The following SYT9 variants were observed in gnomAD, a reference collection of about 807,000 sequenced individuals.
The protein encoded by SYT9 is synaptotagmin 9, also known as synaptotagmin-9.
SYT9 carries 22 observed loss-of-function variants against 48.4 expected under a neutral mutation model. The observed-to-expected ratio is 0.45, with a 90% CI of 0.32 to 0.65. The LOEUF (loss-of-function observed/expected upper bound fraction) is 0.65. Among genes scored for constraint, SYT9 ranks in the 30% least tolerant of loss-of-function variants. SYT9 has a pLI of 0.03. For synonymous variants in SYT9, 265 were observed against 245.0 expected (o/e 1.08, Z -0.76); for missense variants, 577 against 622.0 (o/e 0.93, Z 0.77).
intron 1 of SYT9, among the ~76,000 whole-genome samples, chr11:7,255,113 C>G (rs867438935): frequency 6.6e-6 from 1 of 152,114 alleles, no homozygotes; most frequent in Non-Finnish European, 1.5e-5. Context: ...GCACTTTTGT[C>G]CATAGAAAGC....
At chr11:7,457,527 A>T (rs80005508) in intron 6 of SYT9, 1 of 152,190 alleles carries the variant, frequency 6.6e-6, no homozygotes, top group Non-Finnish European at 1.5e-5. Context: ...AATTTCTTCT[A>T]TCTTACAACT....
chr11:7,263,016 G>A (rs1345485001), intron 1 of SYT9, among the ~76,000 whole-genome samples: 7 of 152,050 alleles, frequency 4.6e-5, no homozygotes, highest in Non-Finnish European at 8.8e-5. Context: ...GGATAAAGAG[G>A]GGAGGATTGC....
In SYT9 at chr11:7,319,192, C is replaced by CTTTTTTT. The variant is rs71056795; in HGVS notation, c.1044+5267_1044+5273dup. Among the ~76,000 whole-genome samples, 27 of 86,158 alleles carry CTTTTTTT rather than the reference C, an allele frequency of 3.1e-4. 1 individual carries two copies. Among genetic ancestry groups the CTTTTTTT allele is most frequent in the African/African-American group, 1.1e-3 (24 of 22,384 alleles). 56.5% of individuals were successfully genotyped at this position (86,158 alleles called of 152,430 possible). A position where few individuals can be genotyped will look rare whatever the true frequency, so the allele number is the denominator to read the frequency against. On this transcript the variant is annotated intron_variant, in intron 3 of 6. Transcript: ENST00000318881. The stretch of plus-strand genomic sequence containing the variant: ...TTTTTTTTTTTCTTTTCTTCTTTTT[C>CTTTTTTT]TTTTTTTTTTTTTTTTTTTTTTGAG...
At chr11:7,307,878 G>A (rs1027292807) in intron 2 of SYT9, among the ~76,000 whole-genome samples, 3 of 152,360 alleles carry the variant, frequency 2.0e-5, no homozygotes, top group African/African-American at 2.4e-5. Context: ...TTTAACTTTG[G>A]AGGGAGTGGG....
chr11:7,431,013 T>C (rs1847559536), intron 6 of SYT9, among the ~76,000 whole-genome samples: 1 of 152,112 alleles, frequency 6.6e-6, no homozygotes, highest in African/African-American at 2.4e-5. Flanking sequence ...TGGAATTGGG[T>C]AATGGACAAA....
At chr11:7,273,591 A>C (rs1848335169) in intron 1 of SYT9, among the ~76,000 whole-genome samples, 1 of 152,302 alleles carries the variant, frequency 6.6e-6, no homozygotes, top group South Asian at 2.1e-4. Context: ...CTGCTAAGTG[A>C]GTCCCATGGC....
Position 7,468,597 on chromosome 11 carries a change from G to C in SYT9, c.*1797G>C, listed in dbSNP as rs891773613. On this transcript the variant is annotated 3_prime_UTR_variant, in exon 7 of 7. Coordinates refer to ENST00000318881, the MANE Select transcript of SYT9 (RefSeq NM_175733.4). ...AGGATAGTTAGCAGAAATATTGTCT[G>C]TAAAGCTAGGCAGATGAGCCCAGAA... 3.2e-6 allele frequency: 1 copy of C among 312,990 alleles called. No homozygotes were observed. Among genetic ancestry groups the C allele is most frequent in the Non-Finnish European group, 5.8e-6 (1 of 172,342 alleles). 19.4% of individuals were successfully genotyped at this position (312,990 alleles called of 1,614,324 possible).
chr11:7,406,535 C>CATAT (rs57371051), intron 3 of SYT9, among the ~76,000 whole-genome samples: 7,025 of 134,772 alleles, frequency 0.052, 185 homozygotes, highest in South Asian at 0.077. Context: ...TTCAATTGCG[C>CATAT]ATATATATAT....
Position 7,386,141 on chromosome 11 carries a change from T to C in SYT9, c.1045-29901T>C, listed in dbSNP as rs138368679. Among the ~76,000 whole-genome samples, 439 of 152,296 alleles carry C rather than the reference T, an allele frequency of 2.9e-3. 2 individuals are homozygous for C. Among genetic ancestry groups the C allele is most frequent in the African/African-American group, 1.0e-2 (415 of 41,572 alleles). The stretch of plus-strand genomic sequence containing the variant: ...AAGGCAGGTGTGAGGTTTTTTCTAT[T>C]TTTATTTGTTTAACCTGTTTTTTTT... On this transcript the variant is annotated intron_variant, in intron 3 of 6. Coordinates refer to ENST00000318881, the MANE Select transcript of SYT9 (RefSeq NM_175733.4).
intron 6 of SYT9, chr11:7,438,981 C>G (rs1847770481): frequency 6.6e-6 from 1 of 152,218 alleles, no homozygotes; most frequent in African/African-American, 2.4e-5. Context: ...AGCATTTACT[C>G]TAAAGCTCTA....
chr11:7,282,971 A>T (rs1285459462), intron 1 of SYT9, among the ~76,000 whole-genome samples: 2 of 150,756 alleles, frequency 1.3e-5, no homozygotes, highest in Non-Finnish European at 1.5e-5. Context: ...AGAAACAGAG[A>T]TTGAGAGAGA....
intron 3 of SYT9, among the ~76,000 whole-genome samples, chr11:7,369,794 AACACACAC>A (rs58554896): frequency 6.0e-4 from 86 of 143,986 alleles, no homozygotes; most frequent in African/African-American, 1.9e-3. Context: ...CACACACACA[AACACACAC>A]ACACACACAC....
At chr11:7,383,088 T>C (rs977180291) in intron 3 of SYT9, among the ~76,000 whole-genome samples, 4 of 152,186 alleles carry the variant, frequency 2.6e-5, no homozygotes, top group Non-Finnish European at 4.4e-5. Context: ...ATATCAGGAA[T>C]AGAGTTGGCA....
At chr11:7,324,436 TTAGTC>T (rs1411103718) in intron 3 of SYT9, among the ~76,000 whole-genome samples, 7 of 151,908 alleles carry the variant, frequency 4.6e-5, no homozygotes, top group Admixed American at 1.3e-4. Flanking sequence ...TCTTTTTTCT[TTAGTC>T]TATTCAGTTG....
At chr11:7,375,928 A>G (rs1433517733) in intron 3 of SYT9, among the ~76,000 whole-genome samples, 1 of 151,828 alleles carries the variant, frequency 6.6e-6, no homozygotes, top group East Asian at 1.9e-4. Context: ...CTGCTCCCTC[A>G]CTTCCTTCAG....
chr11:7,266,692 A>T (rs1364018769), intron 1 of SYT9, among the ~76,000 whole-genome samples: 2 of 152,128 alleles, frequency 1.3e-5, no homozygotes, highest in African/African-American at 4.8e-5. Flanking sequence ...CTGGGAAGTT[A>T]AATTGGGCAG....
At chr11:7,444,908 G>C (rs1165649063) in intron 6 of SYT9, among the ~76,000 whole-genome samples, 3 of 152,220 alleles carry the variant, frequency 2.0e-5, no homozygotes, top group African/African-American at 7.2e-5. Flanking sequence ...GTCTTCCCCT[G>C]CTGGGATTCT....
At chr11:7,257,038 C>A (rs1312170843) in intron 1 of SYT9, among the ~76,000 whole-genome samples, 1 of 152,138 alleles carries the variant, frequency 6.6e-6, no homozygotes, top group Non-Finnish European at 1.5e-5. Context: ...CTGGGCTGCA[C>A]CCTAGACCAG....
chr11:7,454,263 G>A, intron 6 of SYT9: 1 of 985,252 alleles, frequency 1.0e-6, no homozygotes, highest in Non-Finnish European at 1.2e-6. Context: ...CCTCCCATTT[G>A]TCTCTGCAGT....
Sources: gnomAD v4.1 joint callset for allele counts (sites outside exome capture counted in the v4.1 genomes callset) on GRCh38, gnomAD v4.1.1 for gene constraint, MANE v1.5 for transcripts, NCBI Gene and HGNC (gene_info 2026-07-23, HGNC 2026-07-21) for gene names.